Variants in ACAD11 observed in about 807,000 individuals in gnomAD.
ACAD11 encodes the protein acyl-CoA dehydrogenase family member 11.
Under a neutral mutation model 102.2 loss-of-function variants are expected in ACAD11, and 83 were observed. That is an observed-to-expected ratio of 0.81 (90% CI 0.68 to 0.97). ACAD11 has a LOEUF of 0.97. Among genes scored for constraint, ACAD11 ranks in the 50% least tolerant of loss-of-function variants. The pLI, the probability that ACAD11 is intolerant of heterozygous loss-of-function variation, is 0.00. For missense variants in ACAD11, 901 were observed against 951.7 expected, an observed-to-expected ratio of 0.95 and a Z score of 0.70; for synonymous variants, 324 against 319.8, an observed-to-expected ratio of 1.01 and a Z score of -0.14.
chr3:132,587,055 G>A lies in ACAD11; in HGVS notation c.1622-7497C>T, dbSNP rs149992678. On this transcript the variant is annotated intron_variant, in intron 13 of 19. Coordinates refer to ENST00000264990, the MANE Select transcript of ACAD11 (RefSeq NM_032169.5). ...GCTGCAGTGAGTGAGCTGAGATTGC[G>A]CCATTGCACTCCAGCCTGGGCAACA... Among the ~76,000 whole-genome samples the A allele has an allele frequency of 1.5e-3, 234 of 152,216 alleles. 1 individual carries two copies. The highest frequency in any genetic ancestry group is 3.4e-3 in the Middle Eastern group (1 of 294).
chr3:132,647,709 C>T (rs1006026122), intron 1 of ACAD11, among the ~76,000 whole-genome samples: 2 of 152,098 alleles, frequency 1.3e-5, no homozygotes, highest in Non-Finnish European at 2.9e-5. Flanking sequence ...GTATGGGTAC[C>T]ACCTTGATTT....
intron 4 of ACAD11, among the ~76,000 whole-genome samples, chr3:132,640,020 A>AC (rs2107881465): frequency 6.6e-6 from 1 of 152,056 alleles, no homozygotes; most frequent in African/African-American, 2.4e-5. Context: ...ACACACACAC[A>AC]AATATATAGG....
At chr3:132,602,578 T>G (rs1284345532) in intron 13 of ACAD11, among the ~76,000 whole-genome samples, 1 of 152,188 alleles carries the variant, frequency 6.6e-6, no homozygotes, top group African/African-American at 2.4e-5. Flanking sequence ...TTGCTGTAAA[T>G]TATTATAATC....
intron 1 of ACAD11, among the ~76,000 whole-genome samples, chr3:132,647,983 C>T (rs752257465): frequency 3.9e-5 from 6 of 152,146 alleles, no homozygotes; most frequent in Non-Finnish European, 5.9e-5. Flanking sequence ...TTCTTGAGGT[C>T]ACTGTACTCA....
chr3:132,612,310 T>C (rs1205356143), intron 11 of ACAD11, among the ~76,000 whole-genome samples: 11 of 151,800 alleles, frequency 7.2e-5, no homozygotes, highest in Non-Finnish European at 4.4e-5. Flanking sequence ...AGGACATAGG[T>C]ATGGGCAAGG....
At chr3:132,623,511 G>GA (rs1290583904) in intron 9 of ACAD11, among the ~76,000 whole-genome samples, 1 of 121,288 alleles carries the variant, frequency 8.2e-6, no homozygotes, top group African/African-American at 4.4e-5. Context: ...GGTACAGTAC[G>GA]ATTTTTTTTT....
At chr3:132,579,347 T>C (rs1229687813) in intron 14 of ACAD11, 145 bp downstream of exon 14, 1 of 705,696 alleles carries the variant, frequency 1.4e-6, no homozygotes, top group Non-Finnish European at 2.3e-6. Flanking sequence ...AGAAAATACT[T>C]GTGAAATACA....
At chr3:132,603,113 G>T in intron 13 of ACAD11, 116 bp downstream of exon 13, 1 of 951,030 alleles carries the variant, frequency 1.1e-6, no homozygotes, top group Non-Finnish European at 1.6e-6. Context: ...TACACATGCA[G>T]AATTTAAAGA....
rs1172364980 is a variant in ACAD11 at position 132,631,440 on chromosome 3, T to C, written c.742A>G (p.Ile248Val). 3 of 1,553,750 alleles carry C rather than the reference T, an allele frequency of 1.9e-6. No homozygotes were observed. Among genetic ancestry groups the C allele is most frequent in the African/African-American group, 2.7e-5 (2 of 73,148 alleles). The change falls in exon 6 of 20, where the codon ATT becomes GTT. Residue 248 changes from isoleucine to valine, a missense_variant. Ile to Val is a conservative substitution (Grantham distance 29). Transcript: ENST00000264990. The part of the protein sequence containing the change: ...IAVLDWELST[I>V]GHPLSDLAHF... ...GCTAAGTCTGACAAAGGATGACCAA[T>C]GGTTGACAGCTCCCAATCCAGCACT...
intron 8 of ACAD11, among the ~76,000 whole-genome samples, chr3:132,628,021 T>C (rs75943265): frequency 0.013 from 1,977 of 152,362 alleles, 43 homozygotes; most frequent in African/African-American, 0.044. Flanking sequence ...TCATCTTATA[T>C]AATGCATTTT....
chr3:132,600,482 C>A, intron 13 of ACAD11: 1 of 1,610,848 alleles, frequency 6.2e-7, no homozygotes, highest in Non-Finnish European at 8.5e-7. Context: ...TCAATATGAA[C>A]TGATCTGTAT....
chr3:132,576,854 G>A, intron 16 of ACAD11, 90 bp downstream of exon 16: 2 of 935,198 alleles, frequency 2.1e-6, no homozygotes, highest in Non-Finnish European at 3.4e-6. Flanking sequence ...GTAGACTTCA[G>A]GTCTAAATCT....
At chr3:132,631,261 C>T (rs1304219309) in intron 6 of ACAD11, 80 bp downstream of exon 6, 1 of 854,386 alleles carries the variant, frequency 1.2e-6, no homozygotes, top group Non-Finnish European at 1.6e-6. Flanking sequence ...TCTAAAATTG[C>T]AAGATTTATA....
At chr3:132,579,619 T>G (rs1937570379) in intron 13 of ACAD11, 61 bp from the exon 14 acceptor site, 2 of 1,371,536 alleles carry the variant, frequency 1.5e-6, no homozygotes, top group Admixed American at 3.4e-5. Context: ...ACATTTCACC[T>G]TGAAGGTTCT....
At position 132,639,475 on chromosome 3, in the gene ACAD11, A is replaced by T. The variant is rs780852823; in HGVS notation, c.702+17T>A. Reference sequence around the variant, plus strand: ...AAACAGACCTACTCAATTAATTGTAAACATAGCTAACTGTACCTCTTTAGG... The same window carrying T: ...AAACAGACCTACTCAATTAATTGTATACATAGCTAACTGTACCTCTTTAGG... On this transcript the variant is annotated intron_variant, in intron 5 of 19. Transcript: ENST00000264990. 5 of 1,607,890 alleles carry T rather than the reference A, an allele frequency of 3.1e-6. No individual in the cohort carries two copies. The South Asian group carries it at 5.5e-5, about 18-fold the overall frequency.
chr3:132,571,901 T>G (rs1937392424), intron 17 of ACAD11, among the ~76,000 whole-genome samples: 1 of 152,142 alleles, frequency 6.6e-6, no homozygotes, highest in South Asian at 2.1e-4. Context: ...AACTAGGTAT[T>G]CGAGGAACAT....
At chr3:132,563,407 C>T (rs1387968192) in intron 17 of ACAD11, among the ~76,000 whole-genome samples, 1 of 152,160 alleles carries the variant, frequency 6.6e-6, no homozygotes, top group East Asian at 1.9e-4. Flanking sequence ...TGGTTAACAT[C>T]TTTAATCTGT....
chr3:132,583,420 A>G (rs1323662692), intron 13 of ACAD11, among the ~76,000 whole-genome samples: 2 of 151,678 alleles, frequency 1.3e-5, no homozygotes, highest in African/African-American at 2.4e-5. Context: ...TTTTTATTGC[A>G]TCTATTTGAT....
chr3:132,558,841 A>T lies in ACAD11; in HGVS notation c.*130T>A. The stretch of plus-strand genomic sequence containing the variant: ...CCCACTGATCAAAATAGATGCTATA[A>T]TCTTTACCACAAATGAATAATTAAC... On this transcript the variant is annotated 3_prime_UTR_variant, in exon 20 of 20. Transcript: ENST00000264990. The T allele has an allele frequency of 1.5e-6, 1 of 671,160 alleles. No individual in the cohort carries two copies. The highest frequency in any genetic ancestry group is 2.6e-6 in the Non-Finnish European group (1 of 390,594). 41.6% of individuals were successfully genotyped at this position (671,160 alleles called of 1,614,324 possible).
Sources: gnomAD v4.1 joint callset for allele counts (sites outside exome capture counted in the v4.1 genomes callset) on GRCh38, gnomAD v4.1.1 for gene constraint, MANE v1.5 for transcripts, NCBI Gene and HGNC (gene_info 2026-07-23, HGNC 2026-07-21) for gene names.